The following C12orf50 variants were observed in gnomAD, a reference collection of about 807,000 sequenced individuals.
The protein encoded by C12orf50 is uncharacterized protein C12orf50.
Under a neutral mutation model 61.6 loss-of-function variants are expected in C12orf50, and 35 were observed. The observed-to-expected ratio is 0.57, with a 90% CI of 0.43 to 0.75. The LOEUF is 0.75. C12orf50 is among the 30% of genes least tolerant of loss of function. The probability of loss-of-function intolerance (pLI) is 0.00; values close to 1 mark genes in which losing one functional copy is unlikely to be tolerated. For missense variants in C12orf50, 475 were observed against 488.5 expected, an observed-to-expected ratio of 0.97 and a Z score of 0.26; for synonymous variants, 178 against 161.5, an observed-to-expected ratio of 1.10 and a Z score of -0.77.
Position 88,026,563 on chromosome 12 carries a change from A to G in C12orf50, c.58T>C (p.Cys20Arg). The change falls in exon 3 of 13, where the codon TGT becomes CGT. Residue 20 changes from cysteine (C) to arginine (R), a missense_variant. Coordinates refer to ENST00000298699, the MANE Select transcript of C12orf50 (RefSeq NM_152589.3). ...SCFWETQPLG[C>R]VKISCIFYHS... ...TAAAAGATACAGCTGATCTTCACAC[A>G]ACCAAGAGGCTGAGTTTCCCAGAAG... The G allele has an allele frequency of 6.2e-7, 1 of 1,613,922 alleles. No individual in the cohort carries two copies. The highest frequency in any genetic ancestry group is 8.5e-7 in the Non-Finnish European group (1 of 1,180,004).
intron 3 of C12orf50, among the ~76,000 whole-genome samples, chr12:88,007,404 A>C (rs1434140791): frequency 6.6e-6 from 1 of 152,244 alleles, no homozygotes; most frequent in Non-Finnish European, 1.5e-5. Context: ...GCTGTAACAA[A>C]ATATCTGGGT....
intron 3 of C12orf50, among the ~76,000 whole-genome samples, chr12:88,006,681 G>A (rs2031898216): frequency 6.6e-6 from 1 of 152,138 alleles, no homozygotes; most frequent in Non-Finnish European, 1.5e-5. Context: ...GCTTGGGGCT[G>A]GATGAAAACA....
chr12:87,986,449 A>T, intron 9 of C12orf50, 33 bp from the exon 10 acceptor site: 1 of 1,481,680 alleles, frequency 6.7e-7, no homozygotes, highest in Non-Finnish European at 9.3e-7. Context: ...CAATTTTTTA[A>T]GAGATGCTTT....
intron 3 of C12orf50, among the ~76,000 whole-genome samples, chr12:88,019,233 G>A (rs1489530263): frequency 6.6e-6 from 1 of 152,152 alleles, no homozygotes; most frequent in Admixed American, 6.6e-5. Context: ...TAGTGAGTAA[G>A]TCTCATGAGA....
intron 3 of C12orf50, among the ~76,000 whole-genome samples, chr12:88,016,847 G>A (rs181063091): frequency 2.0e-5 from 3 of 152,274 alleles, no homozygotes; most frequent in Admixed American, 2.0e-4. Context: ...AGAAATCATA[G>A]GGAGTATGGC....
chr12:87,980,438 G>T, intron 12 of C12orf50, 82 bp from the exon 13 acceptor site: 2 of 1,209,372 alleles, frequency 1.7e-6, no homozygotes, highest in Non-Finnish European at 2.4e-6. Flanking sequence ...CTAATTACTT[G>T]CCGTAAATCT....
At chr12:88,022,248 T>C (rs1486737003) in intron 3 of C12orf50, among the ~76,000 whole-genome samples, 1 of 151,840 alleles carries the variant, frequency 6.6e-6, no homozygotes, top group African/African-American at 2.4e-5. Flanking sequence ...AAAAACCATA[T>C]TGAGATATGA....
At chr12:88,029,487 A>C (rs563743115), upstream of C12orf50, 14 of 154,124 alleles carry the variant, frequency 9.1e-5, no homozygotes, top group African/African-American at 3.4e-4. Context: ...TCACTCAGGT[A>C]AACTACAGTT....
At chr12:88,004,340 A>G (rs2031771133) in intron 3 of C12orf50, among the ~76,000 whole-genome samples, 1 of 152,200 alleles carries the variant, frequency 6.6e-6, no homozygotes, top group African/African-American at 2.4e-5. Context: ...TCAAAACCAC[A>G]ATGAGATACT....
At chr12:87,987,435 C>A (rs553711348) in intron 9 of C12orf50, among the ~76,000 whole-genome samples, 1 of 152,242 alleles carries the variant, frequency 6.6e-6, no homozygotes, top group South Asian at 2.1e-4. Flanking sequence ...GGGAAGGGAT[C>A]AGGAAGATTC....
At chr12:88,007,299 A>G (rs2136455666) in intron 3 of C12orf50, among the ~76,000 whole-genome samples, 1 of 152,298 alleles carries the variant, frequency 6.6e-6, no homozygotes, top group African/African-American at 2.4e-5. Context: ...AAGTTTATAA[A>G]ATGTTTACTA....
intron 8 of C12orf50, among the ~76,000 whole-genome samples, chr12:87,988,540 G>A (rs1421340997): frequency 6.6e-6 from 1 of 152,146 alleles, no homozygotes; most frequent in Non-Finnish European, 1.5e-5. Context: ...TACCATATTA[G>A]TATAGCTTTA....
intron 11 of C12orf50, chr12:87,985,424 A>T (rs907661951): frequency 4.5e-5 from 8 of 176,144 alleles, no homozygotes; most frequent in African/African-American, 1.9e-4. Context: ...AAAATATGGC[A>T]GTTAATCCCC....
intron 3 of C12orf50, among the ~76,000 whole-genome samples, chr12:88,016,152 T>C (rs1448980763): frequency 1.3e-5 from 2 of 152,076 alleles, no homozygotes; most frequent in African/African-American, 2.4e-5. Flanking sequence ...GTTTCACAGG[T>C]TGCACATTTA....
At position 88,029,125 on chromosome 12, in the gene C12orf50, A is replaced by T. The variant is rs1177195118; in HGVS notation, c.-109+215T>A. On this transcript the variant is annotated intron_variant, in intron 1 of 12. Transcript: ENST00000298699. Reference sequence around the variant, plus strand: ...GTCATTCCCAACTTCTGCCATTTTCAACTCTCTTGCTGCTAATCCAATGGT... The same window carrying T: ...GTCATTCCCAACTTCTGCCATTTTCTACTCTCTTGCTGCTAATCCAATGGT... The T allele has an allele frequency of 1.8e-5, 23 of 1,285,414 alleles. No homozygotes were observed. In the Middle Eastern group the frequency reaches 6.4e-4, roughly 36 times the overall value. The allele number at this position is 1,285,414 out of a possible 1,614,324, so 79.6% of individuals were successfully genotyped here. A position where few individuals can be genotyped will look rare whatever the true frequency, so the allele number is the denominator to read the frequency against.
intron 3 of C12orf50, among the ~76,000 whole-genome samples, chr12:88,019,745 C>A (rs930688247): frequency 6.6e-6 from 1 of 151,774 alleles, no homozygotes; most frequent in Non-Finnish European, 1.5e-5. Flanking sequence ...AACAAAGAAA[C>A]CAAGTTTGAA....
At chr12:88,001,913 A>G (rs2031671618) in intron 3 of C12orf50, among the ~76,000 whole-genome samples, 2 of 150,914 alleles carry the variant, frequency 1.3e-5, no homozygotes, top group Admixed American at 6.6e-5. Context: ...AAGATTTTTA[A>G]TTTTCCTGAT....
intron 6 of C12orf50, among the ~76,000 whole-genome samples, chr12:87,995,022 T>C (rs1412950709): frequency 6.6e-6 from 1 of 152,160 alleles, no homozygotes; most frequent in African/African-American, 2.4e-5. Context: ...ATATATCTAG[T>C]TTGATATGTT....
chr12:88,023,297 C>G (rs2032585315), intron 3 of C12orf50, among the ~76,000 whole-genome samples: 1 of 152,080 alleles, frequency 6.6e-6, no homozygotes. Flanking sequence ...GAATAACTGG[C>G]TTGCCATATG....
Sources: allele counts gnomAD v4.1 joint callset (sites outside exome capture counted in the v4.1 genomes callset), GRCh38; gene constraint gnomAD v4.1.1; transcripts MANE v1.5; gene names NCBI Gene and HGNC (gene_info 2026-07-23, HGNC 2026-07-21).